CACNA1D: variants seen among roughly 807,000 people sequenced by gnomAD.
CACNA1D encodes the protein voltage-dependent L-type calcium channel subunit alpha-1D.
In CACNA1D, 55 loss-of-function variants were observed where a neutral mutation model predicts 257.1. That is an observed-to-expected ratio of 0.21 (90% confidence interval 0.17 to 0.27). The LOEUF (loss-of-function observed/expected upper bound fraction) is 0.27, where lower values mean the gene tolerates loss of function less well. Ranked by LOEUF, CACNA1D falls within the 10% of genes least tolerant of loss-of-function variation. The pLI is 1.00. For missense variants in CACNA1D, 1,876 were observed against 2,784.0 expected (o/e 0.67, Z 7.34); for synonymous variants, 980 against 1,014.9 (o/e 0.97, Z 0.65).
intron 28 of CACNA1D, among the ~76,000 whole-genome samples, chr3:53,752,474 A>G (rs2095234158): frequency 6.6e-6 from 1 of 152,152 alleles, no homozygotes. Context: ...ATCTCGGCTC[A>G]CTGCAACCTC....
intron 9 of CACNA1D, 104 bp downstream of exon 9, chr3:53,702,914 G>C (rs1030322055): frequency 8.0e-6 from 10 of 1,244,646 alleles, no homozygotes; most frequent in African/African-American, 1.5e-5. Flanking sequence ...GAGTGGGACA[G>C]CCTCCTCCCA....
intron 8 of CACNA1D, among the ~76,000 whole-genome samples, chr3:53,675,225 G>A (rs551352508): frequency 2.0e-5 from 3 of 152,314 alleles, no homozygotes; most frequent in Admixed American, 6.5e-5. Context: ...TGCCTGAGCC[G>A]CCTCCTGTAG....
At chr3:53,674,829 C>T (rs2094358434) in intron 8 of CACNA1D, among the ~76,000 whole-genome samples, 1 of 152,230 alleles carries the variant, frequency 6.6e-6, no homozygotes, top group African/African-American at 2.4e-5. Flanking sequence ...GCCTCTGTCA[C>T]TGCGCTGCGC....
At position 53,641,656 on chromosome 3, in the gene CACNA1D, G is replaced by A. The variant is rs929770602; in HGVS notation, c.484-9123G>A. Among the ~76,000 whole-genome samples the A allele has an allele frequency of 3.3e-5, 5 of 152,186 alleles. No individual in the cohort carries two copies. In the South Asian group the frequency reaches 6.2e-4, roughly 19 times the overall value. On this transcript the variant is annotated intron_variant, in intron 3 of 47. Transcript: ENST00000350061. ...AGCTCAGAGTCCATGTCCCTGGGAT[G>A]CACGGGATGGGAAGGAAGGCAAGTC...
intron 3 of CACNA1D, among the ~76,000 whole-genome samples, chr3:53,582,006 TCTC>T (rs993439241): frequency 2.0e-5 from 3 of 152,148 alleles, no homozygotes; most frequent in Non-Finnish European, 1.5e-5. Flanking sequence ...CTGGGGTCCT[TCTC>T]CTGGTTATCA....
At chr3:53,753,509 A>G (rs2095242798) in intron 28 of CACNA1D, 63 bp from the exon 29 acceptor site, 2 of 1,086,012 alleles carry the variant, frequency 1.8e-6, no homozygotes, top group Non-Finnish European at 2.9e-6. Context: ...GGGAGCCTCC[A>G]TGTGCAAGCA....
At position 53,726,893 on chromosome 3, in the gene CACNA1D, A is replaced by G. The variant is rs2094940638; in HGVS notation, c.2115A>G (p.Glu705=). 6.2e-7 allele frequency: 1 copy of G among 1,614,080 alleles called. No homozygotes were observed. The highest frequency in any genetic ancestry group is 1.3e-5 in the African/African-American group (1 of 74,942). Reference sequence around the variant, plus strand: ...TGGCTTCTCAGATCCTGACAGGCGAAGACTGGAATGCTGTGATGTACGATG... The same window carrying G: ...TGGCTTCTCAGATCCTGACAGGCGAGGACTGGAATGCTGTGATGTACGATG... The part of the protein sequence containing the change: ...LLTVFQILTG[E]DWNAVMYDGI... The change falls in exon 15 of 48, where the codon GAA becomes GAG. Residue 705 remains glutamate, a synonymous_variant. Coordinates refer to ENST00000350061, the MANE Select transcript of CACNA1D (RefSeq NM_001128840.3).
intron 30 of CACNA1D, among the ~76,000 whole-genome samples, chr3:53,768,487 TTTGTTAAGGTC>T (rs1350834354): frequency 1.3e-5 from 2 of 152,250 alleles, no homozygotes; most frequent in African/African-American, 2.4e-5. Flanking sequence ...AGTTCCTTCA[TTTGTTAAGGTC>T]TTAAGTTGAA....
At chr3:53,647,279 G>T (rs1042200459) in intron 3 of CACNA1D, among the ~76,000 whole-genome samples, 4 of 152,166 alleles carry the variant, frequency 2.6e-5, no homozygotes, top group African/African-American at 9.7e-5. Context: ...GTGTGACTCT[G>T]CCTGGCACAC....
intron 8 of CACNA1D, among the ~76,000 whole-genome samples, chr3:53,687,004 G>C (rs2094478762): frequency 6.6e-6 from 1 of 151,912 alleles, no homozygotes; most frequent in Non-Finnish European, 1.5e-5. Flanking sequence ...TGCAGGTGTT[G>C]AAAATGAAAT....
At chr3:53,797,070 G>T (rs1030224103) in intron 40 of CACNA1D, among the ~76,000 whole-genome samples, 3 of 151,934 alleles carry the variant, frequency 2.0e-5, no homozygotes, top group African/African-American at 7.3e-5. Flanking sequence ...TTTATCCCAA[G>T]AAAAAAAATG....
intron 40 of CACNA1D, chr3:53,799,910 C>G (rs2095527546): frequency 2.7e-6 from 1 of 372,970 alleles, no homozygotes; most frequent in African/African-American, 2.1e-5. Context: ...TGTAGGCGAG[C>G]CTACTGAAGA....
At chr3:53,729,213 G>A (rs1030289085) in intron 15 of CACNA1D, among the ~76,000 whole-genome samples, 3 of 152,170 alleles carry the variant, frequency 2.0e-5, no homozygotes, top group African/African-American at 7.2e-5. Flanking sequence ...AAATAGGCCA[G>A]CATGTCAAAG....
chr3:53,604,323 C>T (rs1264653651), intron 3 of CACNA1D, among the ~76,000 whole-genome samples: 1 of 152,208 alleles, frequency 6.6e-6, no homozygotes, highest in Non-Finnish European at 1.5e-5. Context: ...ACTCACTGAG[C>T]AGGCATTTGG....
intron 3 of CACNA1D, among the ~76,000 whole-genome samples, chr3:53,605,967 G>A (rs2093504801): frequency 6.6e-6 from 1 of 152,178 alleles, no homozygotes; most frequent in Admixed American, 6.5e-5. Flanking sequence ...TCTGAGCACA[G>A]CTCTGGGGAG....
At chr3:53,652,423 A>C (rs533711894) in intron 4 of CACNA1D, among the ~76,000 whole-genome samples, 8 of 152,278 alleles carry the variant, frequency 5.3e-5, no homozygotes, top group African/African-American at 1.7e-4. Context: ...TTAGAGAAAG[A>C]GCTTCATAAA....
chr3:53,772,181 T>TG (rs2095369906), intron 32 of CACNA1D, among the ~76,000 whole-genome samples: 1 of 152,142 alleles, frequency 6.6e-6, no homozygotes, highest in South Asian at 2.1e-4. Context: ...GAGCCACACT[T>TG]GGCGACCCCC....
At chr3:53,662,215 T>C (rs915036708) in intron 5 of CACNA1D, among the ~76,000 whole-genome samples, 1 of 152,206 alleles carries the variant, frequency 6.6e-6, no homozygotes. Context: ...TGTATGGAAA[T>C]ATATATTCAT....
In CACNA1D at chr3:53,757,253, T is replaced by G. The variant is rs549994994; in HGVS notation, c.3786+3571T>G. Among the ~76,000 whole-genome samples the G allele has an allele frequency of 1.2e-4, 19 of 152,298 alleles. No individual in the cohort carries two copies. In the South Asian group the frequency reaches 3.9e-3, roughly 32 times the overall value. On this transcript the variant is annotated intron_variant, in intron 29 of 47. Transcript: ENST00000350061. ...CAGTTCTTCATGACCCCATCTGTTC[T>G]AGATTTACTTTTAATGGCAAATAAT...
Sources: gnomAD v4.1 joint callset for allele counts (sites outside exome capture counted in the v4.1 genomes callset) on GRCh38, gnomAD v4.1.1 for gene constraint, MANE v1.5 for transcripts, NCBI Gene and HGNC (gene_info 2026-07-23, HGNC 2026-07-21) for gene names.